Variants in NASP observed in about 807,000 individuals in gnomAD.
NASP encodes nuclear autoantigenic sperm protein.
In NASP, 24 loss-of-function variants were observed where a neutral mutation model predicts 89.5. That is an observed-to-expected ratio of 0.27 (90% confidence interval 0.19 to 0.38). NASP has a LOEUF of 0.38. Among genes scored for constraint, NASP ranks in the 10% least tolerant of loss-of-function variants. The probability of loss-of-function intolerance (pLI) is 1.00; values close to 1 mark genes in which losing one functional copy is unlikely to be tolerated. For synonymous variants in NASP, 306 were observed against 324.7 expected, an observed-to-expected ratio of 0.94 and a Z score of 0.62; for missense variants, 848 against 921.4, an observed-to-expected ratio of 0.92 and a Z score of 1.03.
At chr1:45,591,884 TATC>T (rs1394332708) in intron 2 of NASP, among the ~76,000 whole-genome samples, 1 of 152,056 alleles carries the variant, frequency 6.6e-6, no homozygotes, top group Non-Finnish European at 1.5e-5. Flanking sequence ...TCAGTGATGT[TATC>T]ATAGCTCACC....
At position 45,607,956 on chromosome 1, in the gene NASP, A is replaced by G. The variant is rs147021326; in HGVS notation, c.1045A>G (p.Thr349Ala). The G allele has an allele frequency of 1.1e-5, 17 of 1,614,064 alleles. No individual in the cohort carries two copies. The Admixed American group carries it at 1.2e-4, about 11-fold the overall frequency. The change falls in exon 6 of 15, where the codon ACA (threonine) becomes GCA (alanine). Residue 349 changes from threonine (T) to alanine (A), a missense_variant. Physicochemically the swap from Thr to Ala is moderately conservative, Grantham distance 58. Transcript: ENST00000350030. Reference sequence around the variant, plus strand: ...TGCTGAAGAGTCACCAGAGGTGACAACAGAGGCTGCAGAGGCCTCAGCTGT... The same window carrying G: ...TGCTGAAGAGTCACCAGAGGTGACAGCAGAGGCTGCAGAGGCCTCAGCTGT... ...PPAEESPEVT[T>A]EAAEASAVEA...
chr1:45,599,649 G>T (rs1459225445), intron 2 of NASP, among the ~76,000 whole-genome samples: 1 of 150,764 alleles, frequency 6.6e-6, no homozygotes, highest in Admixed American at 6.6e-5. Context: ...GGCTGGTTTC[G>T]AACTCCTGAC....
rs1644108134 is a variant in NASP at position 45,616,543 on chromosome 1, T to G, written c.2080-83T>G. On this transcript the variant is annotated intron_variant, in intron 12 of 14. Coordinates refer to ENST00000350030, the MANE Select transcript of NASP (RefSeq NM_002482.4). ...TTGGGCAACATAGTGAGACCTTGTC[T>G]CTGAAAAACTAAAAAATTATAAAAG... 2.0e-6 allele frequency: 3 copies of G among 1,523,946 alleles called. No individual in the cohort carries two copies. The Admixed American group carries it at 5.1e-5, about 26-fold the overall frequency. The allele number at this position is 1,523,946 out of a possible 1,614,324, so 94.4% of individuals were successfully genotyped here. A position where few individuals can be genotyped will look rare whatever the true frequency, so the allele number is the denominator to read the frequency against.
chr1:45,588,306 G>C (rs969961045), intron 1 of NASP, among the ~76,000 whole-genome samples: 5 of 152,068 alleles, frequency 3.3e-5, no homozygotes, highest in African/African-American at 1.2e-4. Context: ...GTTTTACCAT[G>C]TTGGCCAGGC....
chr1:45,590,459 G>A (rs1387768068), intron 1 of NASP, among the ~76,000 whole-genome samples: 1 of 150,502 alleles, frequency 6.6e-6, no homozygotes, highest in African/African-American at 2.4e-5. Flanking sequence ...TGAGGCAGGA[G>A]AATGGCGTGA....
intron 7 of NASP, 54 bp downstream of exon 7, chr1:45,613,302 CTG>C (rs1428585062): frequency 1.3e-6 from 2 of 1,550,132 alleles, no homozygotes; most frequent in East Asian, 2.3e-5. Flanking sequence ...TTTTGGGAGA[CTG>C]GAGCTCACTC....
intron 7 of NASP, 75 bp from the exon 8 acceptor site, chr1:45,614,021 A>G: frequency 8.3e-7 from 1 of 1,207,824 alleles, no homozygotes; most frequent in East Asian, 2.3e-5. Flanking sequence ...ACTTTTTTTA[A>G]GCTACGCTAA....
rs891412381 is a variant in NASP at position 45,613,364 on chromosome 1, G to A, written c.1506+116G>A. On this transcript the variant is annotated intron_variant, in intron 7 of 14. Transcript: ENST00000350030. Reference sequence around the variant, plus strand: ...GGGGTGATCATGATCATGGCTCACTGCAGCCTAGACCCGGGCTTAAGTGAT... The same window carrying A: ...GGGGTGATCATGATCATGGCTCACTACAGCCTAGACCCGGGCTTAAGTGAT... 2.5e-6 allele frequency: 3 copies of A among 1,214,242 alleles called. No individual in the cohort carries two copies. The African/African-American group carries it at 4.7e-5, about 19-fold the overall frequency. 75.2% of individuals were successfully genotyped at this position (1,214,242 alleles called of 1,614,324 possible).
chr1:45,604,735 A>C (rs1306072287), intron 3 of NASP, among the ~76,000 whole-genome samples: 1 of 152,210 alleles, frequency 6.6e-6, no homozygotes, highest in Non-Finnish European at 1.5e-5. Flanking sequence ...GTCACTTAGG[A>C]TGTATATATA....
At chr1:45,586,285 GTGTGTGTGTGTGT>G (rs1644543823) in intron 1 of NASP, among the ~76,000 whole-genome samples, 1 of 80,004 alleles carries the variant, frequency 1.2e-5, no homozygotes, top group African/African-American at 6.2e-5. Context: ...TGTGTGTGTG[GTGTGTGTGTGTGT>G]GTGTGTGTGT....
At chr1:45,604,844 C>G (rs566150398) in intron 3 of NASP, 92 bp from the exon 4 acceptor site, 8 of 983,856 alleles carry the variant, frequency 8.1e-6, no homozygotes, top group Admixed American at 2.1e-5. Flanking sequence ...GAGTATGTTA[C>G]TGGAGAAATA....
rs751892824 is a variant in NASP, at chr1:45,618,156, C to T, written c.*15C>T. 1.3e-6 allele frequency: 2 copies of T among 1,572,038 alleles called. No homozygotes were observed. Among genetic ancestry groups the T allele is most frequent in the Admixed American group, 1.8e-5 (1 of 54,232 alleles). On this transcript the variant is annotated 3_prime_UTR_variant, in exon 15 of 15. Coordinates refer to ENST00000350030, the MANE Select transcript of NASP (RefSeq NM_002482.4). ...CTGCATGTTAAGAGGGGGCACAGCC[C>T]TCCTCCCAAGGGAAAGTGTTTTTGT... is the stretch of plus-strand genomic sequence containing the variant.
chr1:45,607,666 A>G lies in NASP; in HGVS notation c.755A>G (p.Glu252Gly). Reference sequence around the variant, plus strand: ...TCAGTTTCTGGAACTGATGTCCAAGAAGAGTGCAGAGAAAAAGGAGGTCAG... The same window carrying G: ...TCAGTTTCTGGAACTGATGTCCAAGGAGAGTGCAGAGAAAAAGGAGGTCAG... The part of the protein sequence containing the change: ...EKSVSGTDVQ[E>G]ECREKGGQEK... Residue 252 changes from glutamate (E) to glycine (G), a missense_variant, in exon 6 of 15, where the codon GAA (glutamate) becomes GGA (glycine). Around this residue, in one of 5 missense-constraint regions of NASP, gnomAD observed 464 missense variants for 469.4 expected, o/e 0.99. Transcript: ENST00000350030. 1.9e-6 allele frequency: 3 copies of G among 1,614,182 alleles called. No individual in the cohort carries two copies. Among genetic ancestry groups the G allele is most frequent in the Non-Finnish European group, 1.7e-6 (2 of 1,180,032 alleles).
At chr1:45,601,744 A>ATTTTT (rs1421604346) in intron 2 of NASP, among the ~76,000 whole-genome samples, 1 of 88,132 alleles carries the variant, frequency 1.1e-5, no homozygotes, top group Non-Finnish European at 2.4e-5. Context: ...CCGTTAAGAG[A>ATTTTT]ATTTTTTTTT....
chr1:45,613,347 C>G, intron 7 of NASP, 99 bp downstream of exon 7: 6 of 1,357,106 alleles, frequency 4.4e-6, no homozygotes, highest in African/African-American at 1.5e-5. Context: ...GTGGGGTGAT[C>G]ATGATCATGG....
Position 45,616,378 on chromosome 1 carries a change from C to T in NASP, c.2064C>T (p.Gly688=). 1 of 1,614,142 alleles carries T rather than the reference C, an allele frequency of 6.2e-7. No homozygotes were observed. Among genetic ancestry groups the T allele is most frequent in the Non-Finnish European group, 8.5e-7 (1 of 1,179,984 alleles). ...STSGFTPGGG[G]SSVSMIASRK... Reference sequence around the variant, plus strand: ...CAGGTTTCACTCCTGGTGGAGGAGGCTCTTCAGTCTCCATGGTGCGTATTC... The same window carrying T: ...CAGGTTTCACTCCTGGTGGAGGAGGTTCTTCAGTCTCCATGGTGCGTATTC... Residue 688 remains glycine (G), a synonymous_variant, in exon 12 of 15, where the codon GGC becomes GGT. Coordinates refer to ENST00000350030, the MANE Select transcript of NASP (RefSeq NM_002482.4).
intron 14 of NASP, 108 bp from the exon 15 acceptor site, chr1:45,617,953 C>T: frequency 1.1e-6 from 1 of 945,448 alleles, no homozygotes; most frequent in Non-Finnish European, 1.6e-6. Context: ...GGGAGCAAAG[C>T]AGAGTTTGGG....
chr1:45,604,474 A>C (rs1643885790), intron 3 of NASP, among the ~76,000 whole-genome samples: 1 of 152,226 alleles, frequency 6.6e-6, no homozygotes, highest in Non-Finnish European at 1.5e-5. Flanking sequence ...CACTGTGAGA[A>C]TAATTTGTCT....
In NASP at chr1:45,614,097, C is replaced by G; in HGVS notation, c.1508C>G (p.Ser503Cys). 6.3e-7 allele frequency: 1 copy of G among 1,586,058 alleles called. No individual in the cohort carries two copies. Among genetic ancestry groups the G allele is most frequent in the Non-Finnish European group, 8.7e-7 (1 of 1,154,654 alleles). ...TTTTATTATTTGGTTATACTTTAGTCTCTTCAAGAAAATGAGGAGGAGGAG... is the reference window on the plus strand; with the variant it reads ...TTTTATTATTTGGTTATACTTTAGTGTCTTCAAGAAAATGAGGAGGAGGAG... ...MPNDSVLENK[S>C]LQENEEEEIG... Residue 503 changes from serine (S) to cysteine (C), a missense_variant and splice_region_variant, in exon 8 of 15, where the codon TCT becomes TGT. Around this residue, in one of 5 missense-constraint regions of NASP, gnomAD observed 464 missense variants for 469.4 expected, o/e 0.99. Coordinates refer to ENST00000350030, the MANE Select transcript of NASP (RefSeq NM_002482.4).
Sources: gnomAD v4.1 joint callset for allele counts (sites outside exome capture counted in the v4.1 genomes callset) on GRCh38, gnomAD v4.1.1 for gene constraint, gnomAD v4.1.1 regional missense constraint, MANE v1.5 for transcripts, NCBI Gene and HGNC (gene_info 2026-07-23, HGNC 2026-07-21) for gene names.